TOGARAM2: variants seen among roughly 807,000 people sequenced by gnomAD.
TOGARAM2 encodes TOG array regulator of axonemal microtubules 2, also known as TOG array regulator of axonemal microtubules protein 2.
In TOGARAM2, 85 loss-of-function variants were observed where a neutral mutation model predicts 93.3. The ratio of observed to expected loss-of-function variants is 0.91; its 90% CI spans 0.76 to 1.09. The LOEUF (loss-of-function observed/expected upper bound fraction) is 1.09. Ranked by LOEUF, TOGARAM2 falls within the 50% of genes least tolerant of loss-of-function variation. The pLI is 0.00. For synonymous variants in TOGARAM2, 593 were observed against 552.8 expected, an observed-to-expected ratio of 1.07 and a Z score of -1.02; for missense variants, 1,277 against 1,334.5, an observed-to-expected ratio of 0.96 and a Z score of 0.67.
chr2:28,972,907 G>T (rs986368589), intron 1 of TOGARAM2, among the ~76,000 whole-genome samples: 2 of 152,146 alleles, frequency 1.3e-5, no homozygotes, highest in Middle Eastern at 3.2e-3. Context: ...AAAGCCTTTT[G>T]TTAGAGCCAT....
At chr2:28,994,654 G>C in intron 1 of TOGARAM2, 71 bp from the exon 2 acceptor site, 1 of 560,338 alleles carries the variant, frequency 1.8e-6, no homozygotes, top group East Asian at 3.1e-5. Context: ...GCCCCTGAAG[G>C]GCTTTTTGTG....
intron 3 of TOGARAM2, among the ~76,000 whole-genome samples, chr2:28,998,835 G>A (rs1357173966): frequency 6.6e-6 from 1 of 152,140 alleles, no homozygotes; most frequent in African/African-American, 2.4e-5. Context: ...GTCAGTGCTC[G>A]GGGATCTGAT....
chr2:29,028,268 C>T (rs17007460), intron 14 of TOGARAM2, among the ~76,000 whole-genome samples: 11,393 of 152,194 alleles, frequency 0.075, 460 homozygotes, highest in East Asian at 0.16. Flanking sequence ...AGCTCCAGGC[C>T]AGACATTCTC....
chr2:28,998,159 C>T lies in TOGARAM2; in HGVS notation c.45C>T (p.Pro15=), dbSNP rs765494332. 37 of 1,607,776 alleles carry T rather than the reference C, an allele frequency of 2.3e-5. No individual in the cohort carries two copies. The highest frequency in any genetic ancestry group is 1.6e-4 in the Middle Eastern group (1 of 6,062). ...TGTCTCCAGCCAAGGTCCTGGTCCC[C>T]GTGGCCGTGTACTGCGGGAGCATCC... ...DDVPEAKVLV[P]VAVYCGSIPR... Residue 15 remains proline, a synonymous_variant, in exon 3 of 20, where the codon CCC becomes CCT. Transcript: ENST00000379558.
intron 12 of TOGARAM2, 59 bp from the exon 13 acceptor site, chr2:29,024,080 G>A: frequency 7.0e-7 from 1 of 1,428,880 alleles, no homozygotes. Flanking sequence ...CATTTTCCAT[G>A]CGTCCCAGAG....
In TOGARAM2 at chr2:29,033,366, A is replaced by G. The variant is rs913177073; in HGVS notation, c.2131-103A>G. The G allele has an allele frequency of 1.2e-5, 13 of 1,084,820 alleles. 1 individual carries two copies. The Admixed American group carries it at 1.2e-4, about 10-fold the overall frequency. The allele number at this position is 1,084,820 out of a possible 1,614,324, so 67.2% of individuals were successfully genotyped here. A position where few individuals can be genotyped will look rare whatever the true frequency, so the allele number is the denominator to read the frequency against. ...CAACTGTGACATCTGAAGCTCTCCT[A>G]GGTGGAAGGGATTATTGCCATTGTT... is the stretch of plus-strand genomic sequence containing the variant. On this transcript the variant is annotated intron_variant, in intron 15 of 19. Coordinates refer to ENST00000379558, the MANE Select transcript of TOGARAM2 (RefSeq NM_199280.4).
intron 7 of TOGARAM2, 127 bp from the exon 8 acceptor site, chr2:29,014,268 G>A (rs777870658): frequency 2.6e-6 from 3 of 1,144,824 alleles, no homozygotes; most frequent in Non-Finnish European, 2.5e-6. Flanking sequence ...ACCTAACTCA[G>A]GTCTTGCTCC....
chr2:28,990,782 C>T (rs1178985924), intron 1 of TOGARAM2, among the ~76,000 whole-genome samples: 2 of 151,940 alleles, frequency 1.3e-5, no homozygotes, highest in Non-Finnish European at 2.9e-5. Context: ...AGACAGCATT[C>T]GCTTAGAAAT....
Position 29,023,133 on chromosome 2 carries a change from G to T in TOGARAM2, c.1559G>T (p.Cys520Phe), listed in dbSNP as rs774903844. The part of the protein sequence containing the change: ...GLVSIQRLAA[C>F]HSEVLTGKLH... ...GTGAGCATCCAGCGCTTGGCAGCCT[G>T]TCACTCAGAGGTCCTCACCGGGAAG... Residue 520 changes from cysteine (C) to phenylalanine (F), a missense_variant, in exon 12 of 20, where the codon TGT becomes TTT. Coordinates refer to ENST00000379558, the MANE Select transcript of TOGARAM2 (RefSeq NM_199280.4). 89 of 1,602,874 alleles carry T rather than the reference G, an allele frequency of 5.6e-5. No individual in the cohort carries two copies. Among genetic ancestry groups the T allele is most frequent in the Non-Finnish European group, 7.4e-5 (87 of 1,174,888 alleles).
chr2:29,005,432 T>G, intron 6 of TOGARAM2, among the ~76,000 whole-genome samples: 1 of 146,574 alleles, frequency 6.8e-6, no homozygotes, highest in East Asian at 2.1e-4. Flanking sequence ...AGCATGCATG[T>G]GCGTGAGTGC....
At chr2:29,014,021 G>A (rs1360809294) in intron 7 of TOGARAM2, among the ~76,000 whole-genome samples, 1 of 152,140 alleles carries the variant, frequency 6.6e-6, no homozygotes, top group Admixed American at 6.5e-5. Context: ...AGGATTGGTG[G>A]GCCCATTTTG....
In TOGARAM2 at chr2:29,033,035, CG is replaced by C. The variant is rs1453775919; in HGVS notation, c.2116del (p.Ala706ProfsTer7). 1 of 1,613,402 alleles carries C rather than the reference CG, an allele frequency of 6.2e-7. No homozygotes were observed. Among genetic ancestry groups the C allele is most frequent in the East Asian group, 2.2e-5 (1 of 44,874 alleles). On this transcript the variant is annotated frameshift_variant, in exon 15 of 20. Transcript: ENST00000379558. LOFTEE classifies it high-confidence loss of function. ...TCTTACGACTTGCAGAAGGTCATGG[CG>C]GCCATTAAACAGCAGGTGAGCTGTG... ...LPSYDLQKVM[A>X]AIKQQGIEDN...
chr2:29,011,425 T>C (rs748275825), intron 6 of TOGARAM2, 30 bp from the exon 7 acceptor site: 104 of 1,609,336 alleles, frequency 6.5e-5, no homozygotes, highest in Non-Finnish European at 8.5e-5. Context: ...CCATCCCTCA[T>C]GATGCTTTTC....
intron 1 of TOGARAM2, among the ~76,000 whole-genome samples, chr2:28,973,522 C>T (rs1412416908): frequency 6.9e-6 from 1 of 143,988 alleles, no homozygotes; most frequent in Non-Finnish European, 1.5e-5. Context: ...CTCCTTCCTG[C>T]CTTCCTGCCT....
chr2:29,011,968 C>A (rs1296771832), intron 7 of TOGARAM2, among the ~76,000 whole-genome samples: 6 of 152,190 alleles, frequency 3.9e-5, no homozygotes, highest in Non-Finnish European at 8.8e-5. Context: ...TATTCCTCAC[C>A]TAGAGAATGA....
At chr2:28,957,099 T>C (rs1369582734) in intron 1 of TOGARAM2, among the ~76,000 whole-genome samples, 2 of 152,126 alleles carry the variant, frequency 1.3e-5, no homozygotes, top group Non-Finnish European at 2.9e-5. Context: ...AGGGAGACTT[T>C]GTCTCAAAAA....
At chr2:29,032,210 C>T (rs1254761103) in intron 14 of TOGARAM2, among the ~76,000 whole-genome samples, 1 of 152,218 alleles carries the variant, frequency 6.6e-6, no homozygotes, top group Non-Finnish European at 1.5e-5. Context: ...TCTCCCTAAA[C>T]AGGGTCCTGT....
intron 15 of TOGARAM2, 135 bp from the exon 16 acceptor site, chr2:29,033,334 G>T: frequency 1.2e-6 from 1 of 853,550 alleles, no homozygotes; most frequent in East Asian, 2.7e-5. Context: ...CAGGGCTCTG[G>T]AAGGCTCAAC....
At position 29,003,624 on chromosome 2, in the gene TOGARAM2, C is replaced by T. The variant is rs772617145; in HGVS notation, c.772C>T (p.Pro258Ser). ...ATPSRVPGSL[P>S]SPLPPGQGVL... ...CCCCTCCCGTGTGCCTGGCTCCCTTCCCAGCCCGTTACCTCCAGGCCAGGG... is the reference window on the plus strand; with the variant it reads ...CCCCTCCCGTGTGCCTGGCTCCCTTTCCAGCCCGTTACCTCCAGGCCAGGG... Residue 258 changes from proline to serine, a missense_variant, in exon 6 of 20, where the codon CCC (proline) becomes TCC (serine). Transcript: ENST00000379558. 1 of 1,593,570 alleles carries T rather than the reference C, an allele frequency of 6.3e-7. No individual in the cohort carries two copies. The highest frequency in any genetic ancestry group is 2.3e-5 in the East Asian group (1 of 42,584).
Sources: gnomAD v4.1 joint callset for allele counts (sites outside exome capture counted in the v4.1 genomes callset) on GRCh38, gnomAD v4.1.1 for gene constraint, MANE v1.5 for transcripts, NCBI Gene and HGNC (gene_info 2026-07-23, HGNC 2026-07-21) for gene names.